The following RDH13 variants were observed in gnomAD, a reference collection of about 807,000 sequenced individuals.
The protein encoded by RDH13 is retinol dehydrogenase 13.
RDH13 carries 35 observed loss-of-function variants against 28.3 expected under a neutral mutation model. The observed-to-expected ratio is 1.24, with a 90% confidence interval of 0.95 to 1.64. RDH13 has a LOEUF of 1.64. Ranked by LOEUF, RDH13 falls within the 40% of genes most tolerant of loss-of-function variation. The probability of loss-of-function intolerance (pLI) is 0.00; values close to 1 mark genes in which losing one functional copy is unlikely to be tolerated. For missense variants in RDH13, 514 were observed against 446.3 expected (o/e 1.15, Z -1.37); for synonymous variants, 229 against 198.5 (o/e 1.15, Z -1.29).
intron 2 of RDH13, among the ~76,000 whole-genome samples, chr19:55,058,122 T>C (rs575027401): frequency 1.7e-4 from 26 of 152,042 alleles, no homozygotes; most frequent in African/African-American, 6.3e-4. Context: ...TAAAAACATT[T>C]ATGGCTGGGC....
chr19:55,060,701 G>GT (rs2075783341), intron 1 of RDH13, among the ~76,000 whole-genome samples: 2 of 152,266 alleles, frequency 1.3e-5, no homozygotes, highest in South Asian at 4.2e-4. Context: ...AGGCGTGGTG[G>GT]TGCACACCTG....
At position 55,045,133 on chromosome 19, in the gene RDH13, T is replaced by C. The variant is rs1222048342; in HGVS notation, c.937A>G (p.Ser313Gly). The C allele has an allele frequency of 6.2e-7, 1 of 1,613,440 alleles. No individual in the cohort carries two copies. The highest frequency in any genetic ancestry group is 8.5e-7 in the Non-Finnish European group (1 of 1,179,988). Residue 313 changes from serine (S) to glycine (G), a missense_variant, in exon 7 of 7, where the codon AGT becomes GGT. Coordinates refer to ENST00000415061, the MANE Select transcript of RDH13 (RefSeq NM_001145971.2). The part of the protein sequence containing the change: ...EEVARRLWAE[S>G]ARLVGLEAPS... The stretch of plus-strand genomic sequence containing the variant: ...GCCTCTAAGCCCACCAGGCGGGCAC[T>C]TTCAGCCCAAAGCCTCCGGGCCACC...
rs1330907710 is a variant in RDH13, at chr19:55,059,283, T to C, written c.66-8A>G. 1.9e-6 allele frequency: 3 copies of C among 1,570,374 alleles called. No homozygotes were observed. The highest frequency in any genetic ancestry group is 1.7e-6 in the Non-Finnish European group (2 of 1,153,800). ...CCACCGGTGACATAGTCCCTGAGGG[T>C]GAGAAGCGGCACGGTCAGTCCTGTG... is the stretch of plus-strand genomic sequence containing the variant. On this transcript the variant is annotated splice_polypyrimidine_tract_variant and splice_region_variant and intron_variant, in intron 1 of 6. Coordinates refer to ENST00000415061, the MANE Select transcript of RDH13 (RefSeq NM_001145971.2).
chr19:55,061,589 G>A (rs28616112), intron 1 of RDH13, among the ~76,000 whole-genome samples: 96,770 of 150,702 alleles, frequency 0.64, 31,115 homozygotes, highest in East Asian at 0.78. Flanking sequence ...TCAGGAGTTC[G>A]AGACCAGCCA....
At chr19:55,051,236 G>C (rs1328101688) in intron 3 of RDH13, among the ~76,000 whole-genome samples, 1 of 152,092 alleles carries the variant, frequency 6.6e-6, no homozygotes, top group Non-Finnish European at 1.5e-5. Flanking sequence ...CTGACAGGAG[G>C]CCCCTCTCAG....
chr19:55,050,054 T>G (rs2075377954), intron 3 of RDH13, among the ~76,000 whole-genome samples: 1 of 151,056 alleles, frequency 6.6e-6, no homozygotes, highest in Admixed American at 6.6e-5. Context: ...ACTCTTGAAC[T>G]CAAGCAATCC....
chr19:55,048,373 A>G lies in RDH13; in HGVS notation c.614T>C (p.Leu205Pro). The change falls in exon 5 of 7, where the codon CTC becomes CCC. Residue 205 changes from leucine (L) to proline (P), a missense_variant. Physicochemically the swap from Leu to Pro is moderately conservative, Grantham distance 98. Coordinates refer to ENST00000415061, the MANE Select transcript of RDH13 (RefSeq NM_001145971.2). ...NTKAAYCQSKLAIVLFTKELS... is the reference protein window; with the variant it reads ...NTKAAYCQSKPAIVLFTKELS... Reference sequence around the variant, plus strand: ...CTCCTTGGTGAAGAGGACGATGGCGAGCTTGCTCTGGCAGTAGGCGGCTTT... The same window carrying G: ...CTCCTTGGTGAAGAGGACGATGGCGGGCTTGCTCTGGCAGTAGGCGGCTTT... The G allele has an allele frequency of 5.6e-6, 9 of 1,614,152 alleles. No individual in the cohort carries two copies. Among genetic ancestry groups the G allele is most frequent in the Non-Finnish European group, 7.6e-6 (9 of 1,180,036 alleles).
intron 3 of RDH13, among the ~76,000 whole-genome samples, chr19:55,049,456 C>G (rs879712662): frequency 2.6e-5 from 4 of 152,112 alleles, no homozygotes; most frequent in Non-Finnish European, 5.9e-5. Flanking sequence ...CCACTCAGCT[C>G]GGGTTCCGTA....
intron 3 of RDH13, among the ~76,000 whole-genome samples, chr19:55,055,556 AAGGTC>A (rs2075603651): frequency 6.6e-6 from 1 of 151,854 alleles, no homozygotes; most frequent in African/African-American, 2.4e-5. Flanking sequence ...AATGCTTAAT[AAGGTC>A]AGGTGCGGTG....
At chr19:55,054,161 C>T (rs2075556663) in intron 3 of RDH13, among the ~76,000 whole-genome samples, 1 of 152,242 alleles carries the variant, frequency 6.6e-6, no homozygotes, top group African/African-American at 2.4e-5. Flanking sequence ...AGCACCTGGT[C>T]AGGTCTGAGA....
intron 6 of RDH13, 68 bp from the exon 7 acceptor site, chr19:55,045,377 GGTCA>G: frequency 3.8e-6 from 5 of 1,304,184 alleles, no homozygotes; most frequent in Non-Finnish European, 5.3e-6. Flanking sequence ...CCCGCTCCCC[GGTCA>G]GGGAGCTCCG....
chr19:55,056,643 G>C lies in RDH13; in HGVS notation c.340+10C>G. 6.2e-7 allele frequency: 1 copy of C among 1,613,660 alleles called. No individual in the cohort carries two copies. The highest frequency in any genetic ancestry group is 1.7e-5 in the Admixed American group (1 of 59,952). ...CCAGTCCTCATCCCACATGGCCAGCGTTCTCCTACCTTCAATGATCTTTGC... is the reference window on the plus strand; with the variant it reads ...CCAGTCCTCATCCCACATGGCCAGCCTTCTCCTACCTTCAATGATCTTTGC... On this transcript the variant is annotated intron_variant, in intron 3 of 6. Transcript: ENST00000415061.
intron 6 of RDH13, among the ~76,000 whole-genome samples, chr19:55,045,680 T>C (rs2075200887): frequency 6.6e-6 from 1 of 152,156 alleles, no homozygotes; most frequent in Non-Finnish European, 1.5e-5. Flanking sequence ...GCGAGGTGGC[T>C]CAGGCCTGTA....
chr19:55,061,857 C>T (rs2075817235), intron 1 of RDH13, among the ~76,000 whole-genome samples: 1 of 151,514 alleles, frequency 6.6e-6, no homozygotes, highest in Non-Finnish European at 1.5e-5. Flanking sequence ...GTGGCTCACG[C>T]CTGTAACCCC....
upstream of RDH13, among the ~76,000 whole-genome samples, chr19:55,067,916 T>C (rs997237080): frequency 2.7e-5 from 4 of 146,876 alleles, no homozygotes; most frequent in East Asian, 6.3e-4. Flanking sequence ...TCTGTGTCTT[T>C]TCTCTCTCTC....
chr19:55,051,795 C>T (rs1358231844), intron 3 of RDH13, among the ~76,000 whole-genome samples: 2 of 151,362 alleles, frequency 1.3e-5, no homozygotes, highest in South Asian at 2.1e-4. Flanking sequence ...TGCAGTGGCG[C>T]GATCTCAGCT....
chr19:55,051,793 C>T (rs1007178162), intron 3 of RDH13, among the ~76,000 whole-genome samples: 7 of 150,910 alleles, frequency 4.6e-5, no homozygotes, highest in Admixed American at 1.3e-4. Context: ...AGTGCAGTGG[C>T]GCGATCTCAG....
At chr19:55,049,722 G>C (rs1008234528) in intron 3 of RDH13, among the ~76,000 whole-genome samples, 1 of 151,290 alleles carries the variant, frequency 6.6e-6, no homozygotes, top group Non-Finnish European at 1.5e-5. Context: ...CCAGGAGGCA[G>C]AGGGTGCAGT....
At chr19:55,062,700 A>G (rs2075843553) in intron 1 of RDH13, among the ~76,000 whole-genome samples, 1 of 152,110 alleles carries the variant, frequency 6.6e-6, no homozygotes, top group Non-Finnish European at 1.5e-5. Flanking sequence ...CGAACAAATA[A>G]ATAATACAAA....
Sources: gnomAD v4.1 joint callset for allele counts (sites outside exome capture counted in the v4.1 genomes callset) on GRCh38, gnomAD v4.1.1 for gene constraint, MANE v1.5 for transcripts, NCBI Gene and HGNC (gene_info 2026-07-23, HGNC 2026-07-21) for gene names.